USP50: variants seen among roughly 807,000 people sequenced by gnomAD.
The protein encoded by USP50 is ubiquitin specific peptidase 50, also known as ubiquitin carboxyl-terminal hydrolase 50.
USP50 carries 37 observed loss-of-function variants against 39.2 expected under a neutral mutation model. The observed-to-expected ratio is 0.94, with a 90% confidence interval of 0.73 to 1.24. USP50 has a LOEUF of 1.24. USP50 is among the 50% of genes most tolerant of loss of function. The probability of loss-of-function intolerance (pLI) is 0.00; values close to 1 mark genes in which losing one functional copy is unlikely to be tolerated. For missense variants in USP50, 374 were observed against 398.2 expected, an observed-to-expected ratio of 0.94 and a Z score of 0.52; for synonymous variants, 139 against 144.5, an observed-to-expected ratio of 0.96 and a Z score of 0.27.
At chr15:50,498,415 T>A, downstream of USP50, 1 of 743,476 alleles carries the variant, frequency 1.3e-6, no homozygotes, top group Non-Finnish European at 2.0e-6. Context: ...GCCTCAGTTT[T>A]CTTGTTTGTA....
At chr15:50,493,390 C>T, downstream of USP50, 1 of 519,340 alleles carries the variant, frequency 1.9e-6, no homozygotes, top group South Asian at 1.4e-5. Flanking sequence ...TTTTACCTTT[C>T]AAACCATAGT....
rs1469436905 is a variant in USP50, at chr15:50,514,830, C to T, written c.937-13993G>A. 1.2e-4 allele frequency among the ~76,000 whole-genome samples: 18 copies of T among 151,464 alleles called. 1 individual carries two copies. The highest frequency in any genetic ancestry group is 1.2e-3 in the Admixed American group (18 of 15,174). ...GGCGTGAGCCACCACCCCTGGCCTA[C>T]AAATTTTTTTAAAAAATTAGCTGGG... On this transcript the variant is annotated intron_variant, in intron 6 of 6. Transcript: ENST00000532404.
At chr15:50,527,336 C>T (rs2052906210) in intron 6 of USP50, among the ~76,000 whole-genome samples, 3 of 152,124 alleles carry the variant, frequency 2.0e-5, no homozygotes, top group Non-Finnish European at 2.9e-5. Context: ...TCCTGAGTAG[C>T]TGGGACTACA....
In USP50 at chr15:50,500,812, C is replaced by A. The variant is rs75814199; in HGVS notation, c.962G>T (p.Gly321Val). Residue 321 changes from glycine to valine, a missense_variant, in exon 7 of 7, where the codon GGC (glycine) becomes GTC (valine). By Grantham distance (109) the Gly-to-Val change is moderately radical. Transcript: ENST00000532404. Reference sequence around the variant, plus strand: ...ATTCTTGCAGAAAGCAGTGTAGTGGCCACCATCCAAATCACCAAAATGGTT... The same window carrying A: ...ATTCTTGCAGAAAGCAGTGTAGTGGACACCATCCAAATCACCAAAATGGTT... ...VVNHFGDLDG[G>V]HYTAFCKNSV... 6.3e-7 allele frequency: 1 copy of A among 1,587,720 alleles called. No individual in the cohort carries two copies. Among genetic ancestry groups the A allele is most frequent in the South Asian group, 1.2e-5 (1 of 86,714 alleles).
At chr15:50,537,878 G>GGGGAGGGGAA (rs1215628295) in intron 5 of USP50, among the ~76,000 whole-genome samples, 8 of 48,866 alleles carry the variant, frequency 1.6e-4, no homozygotes, top group South Asian at 9.8e-4. Flanking sequence ...AGGGGAGGGA[G>GGGGAGGGGAA]GGGAGGGGAG....
intron 5 of USP50, among the ~76,000 whole-genome samples, chr15:50,533,728 G>A (rs12439211): frequency 0.15 from 22,320 of 152,234 alleles, 2,225 homozygotes; most frequent in Admixed American, 0.28. Flanking sequence ...GGTCTGGCAC[G>A]GTGGCTCATG....
At chr15:50,493,549 T>A (rs1432091241), downstream of USP50, 5 of 508,126 alleles carry the variant, frequency 9.8e-6, no homozygotes, top group Non-Finnish European at 2.0e-5. Flanking sequence ...GGCCCAGGAG[T>A]TTGAGACCAG....
downstream of USP50, chr15:50,498,561 C>G: frequency 6.4e-7 from 1 of 1,567,332 alleles, no homozygotes; most frequent in Non-Finnish European, 8.7e-7. Flanking sequence ...TGGTATCTTC[C>G]TCTGTCAGTG....
chr15:50,544,040 A>G, intron 2 of USP50: 2 of 490,624 alleles, frequency 4.1e-6, no homozygotes, highest in South Asian at 4.5e-5. Context: ...AAAAGAAAAA[A>G]AAGGATGCCA....
At chr15:50,526,474 T>A (rs1488250158) in intron 6 of USP50, among the ~76,000 whole-genome samples, 2 of 152,200 alleles carry the variant, frequency 1.3e-5, no homozygotes, top group South Asian at 2.1e-4. Context: ...AACCAATGAT[T>A]TGAGGAGGGT....
At chr15:50,525,691 G>GTATA (rs2052890238) in intron 6 of USP50, among the ~76,000 whole-genome samples, 1 of 110,034 alleles carries the variant, frequency 9.1e-6, no homozygotes, top group Non-Finnish European at 1.9e-5. Context: ...TATTATATAT[G>GTATA]TATATGTATA....
intron 6 of USP50, among the ~76,000 whole-genome samples, chr15:50,529,594 G>C (rs1046463553): frequency 5.3e-5 from 8 of 152,160 alleles, no homozygotes; most frequent in Non-Finnish European, 1.2e-4. Flanking sequence ...CCACTGAGTG[G>C]AGAGAAAATA....
At chr15:50,513,926 A>T (rs1212016729) in intron 6 of USP50, 1 of 152,212 alleles carries the variant, frequency 6.6e-6, no homozygotes, top group African/African-American at 2.4e-5. Context: ...GTATGTACTC[A>T]AAAGAACTGT....
At chr15:50,521,950 C>A (rs764819187) in intron 6 of USP50, among the ~76,000 whole-genome samples, 1 of 151,910 alleles carries the variant, frequency 6.6e-6, no homozygotes, top group Non-Finnish European at 1.5e-5. Context: ...GGCAATAGAA[C>A]GAGACTCCAT....
At chr15:50,498,057 A>G (rs919899450), downstream of USP50, among the ~76,000 whole-genome samples, 23 of 152,230 alleles carry the variant, frequency 1.5e-4, no homozygotes, top group African/African-American at 5.5e-4. Flanking sequence ...CACATTTGCT[A>G]AAATTTTTAA....
downstream of USP50, chr15:50,499,107 C>CTAGT (rs1236471343): frequency 1.9e-6 from 3 of 1,562,160 alleles, no homozygotes; most frequent in East Asian, 6.8e-5. Context: ...AGGTTATAAA[C>CTAGT]TAGTTATCTT....
chr15:50,516,935 AAT>A (rs1222997810), intron 6 of USP50, among the ~76,000 whole-genome samples: 1 of 152,174 alleles, frequency 6.6e-6, no homozygotes, highest in Admixed American at 6.5e-5. Flanking sequence ...ATTACTAATT[AAT>A]ATGAGAGGAG....
At chr15:50,527,644 GT>G (rs34341151) in intron 6 of USP50, among the ~76,000 whole-genome samples, 40,852 of 143,030 alleles carry the variant, frequency 0.29, 5,566 homozygotes, top group East Asian at 0.55. Context: ...TTTTATTGTT[GT>G]TTTTTTTTTT....
intron 2 of USP50, 55 bp downstream of exon 2, chr15:50,544,532 A>G (rs1480369609): frequency 6.6e-7 from 1 of 1,524,182 alleles, no homozygotes; most frequent in African/African-American, 1.4e-5. Context: ...CTCTAACCTC[A>G]TCTGTGGGGA....
Sources: allele counts gnomAD v4.1 joint callset (sites outside exome capture counted in the v4.1 genomes callset), GRCh38; gene constraint gnomAD v4.1.1; transcripts MANE v1.5; gene names NCBI Gene and HGNC (gene_info 2026-07-23, HGNC 2026-07-21).